Variants in CSMD1 observed in about 807,000 individuals in gnomAD.
CSMD1 encodes CUB and Sushi multiple domains 1.
Under a neutral mutation model 417.5 loss-of-function variants are expected in CSMD1, and 213 were observed. The observed-to-expected ratio is 0.51, with a 90% CI of 0.46 to 0.57. The LOEUF is 0.57. CSMD1 is among the 20% of genes least tolerant of loss of function. The pLI is 0.00. For missense variants in CSMD1, 6,923 were observed against 4,529.7 expected, an observed-to-expected ratio of 1.53 and a Z score of -15.17; for synonymous variants, 2,862 against 1,736.8, an observed-to-expected ratio of 1.65 and a Z score of -16.11.
rs1799148314 is a variant in CSMD1, at chr8:4,064,611, G to A, written c.416-32512C>T. ...AACTGCCGTTTCCGAACGTGGCAAG[G>A]CTCCCAACACCTGTGCCTTCACATA... is the stretch of plus-strand genomic sequence containing the variant. On this transcript the variant is annotated intron_variant, in intron 3 of 69. Transcript: ENST00000635120. 4.6e-5 allele frequency among the ~76,000 whole-genome samples: 7 copies of A among 152,146 alleles called. No homozygotes were observed. The South Asian group carries it at 1.4e-3, about 32-fold the overall frequency.
intron 25 of CSMD1, among the ~76,000 whole-genome samples, chr8:3,306,000 T>C (rs1337733973): frequency 1.3e-5 from 2 of 152,070 alleles, no homozygotes; most frequent in Non-Finnish European, 2.9e-5. Flanking sequence ...TAATATTCTA[T>C]TGTAGCAGCA....
chr8:3,692,832 T>G (rs1185219460), intron 7 of CSMD1, among the ~76,000 whole-genome samples: 2 of 152,190 alleles, frequency 1.3e-5, no homozygotes, highest in African/African-American at 4.8e-5. Context: ...AAAAATATTA[T>G]TAGGCATTAG....
At chr8:3,986,125 G>A (rs1814303113) in intron 5 of CSMD1, among the ~76,000 whole-genome samples, 2 of 151,976 alleles carry the variant, frequency 1.3e-5, no homozygotes, top group African/African-American at 4.8e-5. Flanking sequence ...AGATGAACAG[G>A]ATTTCTCAAG....
At chr8:4,730,962 G>T (rs1410843558) in intron 1 of CSMD1, among the ~76,000 whole-genome samples, 1 of 152,030 alleles carries the variant, frequency 6.6e-6, no homozygotes, top group Non-Finnish European at 1.5e-5. Flanking sequence ...CTATTGGGGT[G>T]ATTTTACTCA....
At chr8:3,618,237 T>C in intron 7 of CSMD1, among the ~76,000 whole-genome samples, 1 of 152,118 alleles carries the variant, frequency 6.6e-6, no homozygotes, top group East Asian at 1.9e-4. Context: ...AACTCCTGGC[T>C]CAAGTGACAC....
At chr8:4,338,396 A>T (rs1800293554) in intron 3 of CSMD1, among the ~76,000 whole-genome samples, 1 of 152,152 alleles carries the variant, frequency 6.6e-6, no homozygotes, top group Non-Finnish European at 1.5e-5. Flanking sequence ...ACGTAAAAGT[A>T]CATACTAGTG....
chr8:3,222,954 G>A (rs1470717012), intron 28 of CSMD1, among the ~76,000 whole-genome samples: 1 of 152,142 alleles, frequency 6.6e-6, no homozygotes, highest in African/African-American at 2.4e-5. Flanking sequence ...TCGTTCCATT[G>A]ACAGATTAAA....
chr8:3,272,311 C>T (rs886417413), intron 26 of CSMD1, among the ~76,000 whole-genome samples: 16 of 146,180 alleles, frequency 1.1e-4, no homozygotes, highest in Non-Finnish European at 2.1e-4. Context: ...GGTACCAGTA[C>T]CATGCTGTTT....
chr8:4,454,660 G>A (rs76804129), intron 2 of CSMD1, among the ~76,000 whole-genome samples: 13 of 152,144 alleles, frequency 8.5e-5, no homozygotes, highest in South Asian at 2.1e-4. Context: ...CAGCCTTCCA[G>A]GTCCTATTAT....
At chr8:4,344,619 C>A (rs942595403) in intron 3 of CSMD1, among the ~76,000 whole-genome samples, 6 of 151,544 alleles carry the variant, frequency 4.0e-5, no homozygotes, top group African/African-American at 1.5e-4. Context: ...TACACTACCG[C>A]TATGCTCAAA....
rs779219870 is a variant in CSMD1, at chr8:2,974,587, G to A, written c.8604C>T (p.Ala2868=). ...AGGTAAACAGCTCTCCAGTGAGGAC[G>A]GCGTTGGCAGGGACCCCTGGGTGTC... The part of the protein sequence containing the change: ...SCGHPGVPAN[A]VLTGELFTYG... Residue 2868 remains alanine, a synonymous_variant, in exon 56 of 70, where the codon GCC becomes GCT. Coordinates refer to ENST00000635120, the MANE Select transcript of CSMD1 (RefSeq NM_033225.6). The A allele has an allele frequency of 1.1e-5, 17 of 1,611,092 alleles. No homozygotes were observed. The East Asian group carries it at 1.6e-4, about 15-fold the overall frequency.
chr8:4,036,491 C>T (rs966667951), intron 3 of CSMD1, among the ~76,000 whole-genome samples: 21 of 152,036 alleles, frequency 1.4e-4, no homozygotes, highest in African/African-American at 4.8e-4. Context: ...TTGTAAACAC[C>T]CATCTCTTCA....
chr8:3,616,183 G>C (rs559311815), intron 8 of CSMD1, among the ~76,000 whole-genome samples: 2 of 152,202 alleles, frequency 1.3e-5, no homozygotes, highest in East Asian at 3.9e-4. Flanking sequence ...ATCTCATCTG[G>C]AACTGTAGCA....
chr8:3,894,385 A>G (rs1807209651), intron 5 of CSMD1, among the ~76,000 whole-genome samples: 1 of 152,196 alleles, frequency 6.6e-6, no homozygotes, highest in African/African-American at 2.4e-5. Flanking sequence ...GGGGAGACAC[A>G]TCCTTCATGG....
chr8:3,842,172 C>G (rs928438508), intron 5 of CSMD1, among the ~76,000 whole-genome samples: 1 of 152,138 alleles, frequency 6.6e-6, no homozygotes. Flanking sequence ...CTTAAAAACT[C>G]GTTTTCCTAG....
At chr8:3,405,563 A>C (rs1324707096) in intron 15 of CSMD1, among the ~76,000 whole-genome samples, 1 of 152,212 alleles carries the variant, frequency 6.6e-6, no homozygotes, top group East Asian at 1.9e-4. Context: ...CTGTATTTGA[A>C]GATTGGGTAC....
rs550899810 is a variant in CSMD1 at position 3,238,981 on chromosome 8, G to A, written c.4154-8750C>T. Among the ~76,000 whole-genome samples, 10 of 152,186 alleles carry A rather than the reference G, an allele frequency of 6.6e-5. No individual in the cohort carries two copies. The East Asian group carries it at 1.9e-3, about 29-fold the overall frequency. On this transcript the variant is annotated intron_variant, in intron 26 of 69. Transcript: ENST00000635120. ...GATAGTAGGGATGACAAGTTTTTTG[G>A]GGCACAGTCAAAGTTGGTGTGGTGT...
Position 2,970,145 on chromosome 8 carries a change from G to T in CSMD1, c.8923+2972C>A, listed in dbSNP as rs187572991. On this transcript the variant is annotated intron_variant, in intron 57 of 69. Transcript: ENST00000635120. ...AGTTAGATAGATTGGGAAGTGAAAC[G>T]CAATTAAGCTCTCATTCAAATAAAT... is the stretch of plus-strand genomic sequence containing the variant. Among the ~76,000 whole-genome samples, 141 of 152,074 alleles carry T rather than the reference G, an allele frequency of 9.3e-4. 1 individual carries two copies. Among genetic ancestry groups the T allele is most frequent in the Admixed American group, 9.1e-3 (139 of 15,266 alleles).
chr8:3,490,758 C>A (rs2897373), intron 11 of CSMD1, among the ~76,000 whole-genome samples: 17,650 of 151,610 alleles, frequency 0.12, 1,381 homozygotes, highest in East Asian at 0.26. Flanking sequence ...TGTTCCCAAC[C>A]CTGTCCCAGG....
Sources: gnomAD v4.1 joint callset for allele counts (sites outside exome capture counted in the v4.1 genomes callset) on GRCh38, gnomAD v4.1.1 for gene constraint, MANE v1.5 for transcripts, NCBI Gene and HGNC (gene_info 2026-07-23, HGNC 2026-07-21) for gene names.